Variants in CRACDL observed in about 807,000 individuals in gnomAD.
CRACDL encodes CRACD-like protein.
CRACDL carries 26 observed loss-of-function variants against 70.6 expected under a neutral mutation model. That is an observed-to-expected ratio of 0.37 (90% CI 0.27 to 0.51). The LOEUF is 0.51. CRACDL is among the 20% of genes least tolerant of loss of function. The pLI, the probability that CRACDL is intolerant of heterozygous loss-of-function variation, is 0.94. For synonymous variants in CRACDL, 618 were observed against 615.2 expected (o/e 1.00, Z -0.07); for missense variants, 1,283 against 1,376.9 (o/e 0.93, Z 1.08).
At chr2:98,845,579 A>C (rs887123003) in intron 2 of CRACDL, among the ~76,000 whole-genome samples, 2 of 152,188 alleles carry the variant, frequency 1.3e-5, no homozygotes, top group Admixed American at 6.5e-5. Context: ...TTAAATTTTA[A>C]GTGGAAGAGG....
chr2:98,905,484 T>C (rs186233216), intron 1 of CRACDL, among the ~76,000 whole-genome samples: 1 of 152,214 alleles, frequency 6.6e-6, no homozygotes, highest in Admixed American at 6.5e-5. Context: ...AACAACTTTT[T>C]AAAACTCTTT....
chr2:98,819,396 GCTACTT>G (rs1704928516), intron 7 of CRACDL, among the ~76,000 whole-genome samples: 1 of 152,186 alleles, frequency 6.6e-6, no homozygotes, highest in Admixed American at 6.5e-5. Flanking sequence ...TTCCTCCCTT[GCTACTT>G]CAATGGCTTT....
chr2:98,831,170 C>G (rs181298728), intron 5 of CRACDL, among the ~76,000 whole-genome samples: 2 of 152,162 alleles, frequency 1.3e-5, no homozygotes, highest in African/African-American at 4.8e-5. Flanking sequence ...GTCCTCAGAC[C>G]CTGCTCCTGG....
chr2:98,833,123 C>G (rs1401164336), intron 3 of CRACDL, 126 bp from the exon 4 acceptor site: 1 of 860,478 alleles, frequency 1.2e-6, no homozygotes, highest in African/African-American at 1.7e-5. Context: ...GCTGCATTTA[C>G]ATTTCAGTGG....
chr2:98,898,933 G>C (rs1285181340), intron 1 of CRACDL, among the ~76,000 whole-genome samples: 1 of 152,174 alleles, frequency 6.6e-6, no homozygotes, highest in African/African-American at 2.4e-5. Context: ...GGGAAGACAG[G>C]CTGAAATCCA....
Position 98,823,584 on chromosome 2 carries a change from G to A in CRACDL, c.736-47C>T, listed in dbSNP as rs1705190246. 1 of 1,536,444 alleles carries A rather than the reference G, an allele frequency of 6.5e-7. No homozygotes were observed. ...AGCATCGTCGCTATAGCCAATTCCA[G>A]GAAGCCTGTCACCTCCCCACTTTTT... On this transcript the variant is annotated intron_variant, in intron 6 of 9. Coordinates refer to ENST00000397899, the MANE Select transcript of CRACDL (RefSeq NM_207362.3). This position sits in a 1 kb window ranked among gnomAD's most constrained non-coding sequence, Gnocchi z 4.0.
chr2:98,843,170 T>C (rs1303351333), intron 2 of CRACDL, among the ~76,000 whole-genome samples: 3 of 152,230 alleles, frequency 2.0e-5, no homozygotes, highest in Non-Finnish European at 2.9e-5. Context: ...TTTCTTCATA[T>C]GCTTCTTTGC....
chr2:98,922,075 T>A (rs770423076), intron 1 of CRACDL, among the ~76,000 whole-genome samples: 10 of 152,222 alleles, frequency 6.6e-5, no homozygotes, highest in Non-Finnish European at 1.5e-4. Context: ...TTTCTTCTTT[T>A]TTGATTTCTT....
intron 1 of CRACDL, among the ~76,000 whole-genome samples, chr2:98,867,768 G>A (rs1481053365): frequency 6.6e-6 from 1 of 152,192 alleles, no homozygotes; most frequent in African/African-American, 2.4e-5. Flanking sequence ...CATATGTGAC[G>A]AACAGGACAC....
At chr2:98,874,716 G>C (rs1313794700) in intron 1 of CRACDL, among the ~76,000 whole-genome samples, 1 of 152,146 alleles carries the variant, frequency 6.6e-6, no homozygotes, top group Non-Finnish European at 1.5e-5. Context: ...TCTGGTCTTG[G>C]GCCAGCCCAG....
intron 7 of CRACDL, among the ~76,000 whole-genome samples, chr2:98,807,161 A>G (rs1459903463): frequency 6.6e-6 from 1 of 152,232 alleles, no homozygotes; most frequent in Non-Finnish European, 1.5e-5. Context: ...TGACTTGTCC[A>G]GGGTCCTTGG....
At chr2:98,857,384 T>C (rs1020567580) in intron 1 of CRACDL, among the ~76,000 whole-genome samples, 4 of 152,138 alleles carry the variant, frequency 2.6e-5, no homozygotes, top group African/African-American at 9.7e-5. Flanking sequence ...ATGACAAACA[T>C]AGATGTAATA....
At chr2:98,800,459 T>G (rs952295231) in intron 7 of CRACDL, among the ~76,000 whole-genome samples, 2 of 151,860 alleles carry the variant, frequency 1.3e-5, no homozygotes, top group Non-Finnish European at 2.9e-5. Context: ...ACTCTGAAGG[T>G]TGTGTGGAGA....
intron 1 of CRACDL, among the ~76,000 whole-genome samples, chr2:98,911,832 C>A (rs1330246800): frequency 6.6e-6 from 1 of 152,230 alleles, no homozygotes; most frequent in African/African-American, 2.4e-5. Flanking sequence ...AAACCCCAAA[C>A]GTACCAATCT....
intron 9 of CRACDL, 63 bp from the exon 10 acceptor site, chr2:98,794,734 C>G: frequency 6.8e-7 from 1 of 1,472,680 alleles, no homozygotes; most frequent in Non-Finnish European, 9.4e-7. Context: ...TTCCCTTAAG[C>G]CTCTTGTGTT....
chr2:98,898,712 C>T (rs990044237), intron 1 of CRACDL, among the ~76,000 whole-genome samples: 1 of 152,150 alleles, frequency 6.6e-6, no homozygotes, highest in Admixed American at 6.5e-5. Flanking sequence ...AGCCGTTGTG[C>T]GGATGAGGAA....
At position 98,914,584 on chromosome 2, in the gene CRACDL, C is replaced by T. The variant is rs181339706; in HGVS notation, c.-11+21354G>A. Reference sequence around the variant, plus strand: ...TCTTCAAGGGAGACTTTTTTAAAGACAGGAGCTTGCGCAGGGCACAGAGGA... The same window carrying T: ...TCTTCAAGGGAGACTTTTTTAAAGATAGGAGCTTGCGCAGGGCACAGAGGA... On this transcript the variant is annotated intron_variant, in intron 1 of 9. Coordinates refer to ENST00000397899, the MANE Select transcript of CRACDL (RefSeq NM_207362.3). 3.9e-5 allele frequency among the ~76,000 whole-genome samples: 6 copies of T among 152,282 alleles called. No homozygotes were observed. In the East Asian group the frequency reaches 1.2e-3, roughly 29 times the overall value.
At chr2:98,800,458 G>T (rs1475678394) in intron 7 of CRACDL, among the ~76,000 whole-genome samples, 1 of 152,180 alleles carries the variant, frequency 6.6e-6, no homozygotes, top group Non-Finnish European at 1.5e-5. Context: ...CACTCTGAAG[G>T]TTGTGTGGAG....
intron 1 of CRACDL, among the ~76,000 whole-genome samples, chr2:98,900,105 GA>G (rs1708234036): frequency 7.2e-6 from 1 of 139,250 alleles, no homozygotes; most frequent in Non-Finnish European, 1.6e-5. Flanking sequence ...AGGGGAGGCA[GA>G]TGGACAGAGG....
Sources: allele counts gnomAD v4.1 joint callset (sites outside exome capture counted in the v4.1 genomes callset), GRCh38; gene constraint gnomAD v4.1.1; non-coding constraint Gnocchi (gnomAD v3.1); transcripts MANE v1.5; gene names NCBI Gene and HGNC (gene_info 2026-07-23, HGNC 2026-07-21).